RELN: variants seen among roughly 807,000 people sequenced by gnomAD.
RELN encodes the protein reelin.
In RELN, 108 loss-of-function variants were observed where a neutral mutation model predicts 427.6. The observed-to-expected ratio is 0.25, with a 90% CI of 0.22 to 0.30. The LOEUF (loss-of-function observed/expected upper bound fraction) is 0.30. Among genes scored for constraint, RELN ranks in the 10% least tolerant of loss-of-function variants. RELN has a pLI of 1.00. For missense variants in RELN, 3,715 were observed against 4,302.8 expected (o/e 0.86, Z 3.82); for synonymous variants, 1,524 against 1,513.4 (o/e 1.01, Z -0.16).
At chr7:103,854,811 T>C (rs1297173646) in intron 2 of RELN, among the ~76,000 whole-genome samples, 1 of 152,202 alleles carries the variant, frequency 6.6e-6, no homozygotes, top group Admixed American at 6.5e-5. Context: ...TGTGGAATTG[T>C]AATCTAGCCT....
intron 2 of RELN, among the ~76,000 whole-genome samples, chr7:103,916,090 C>T (rs1795475706): frequency 6.6e-6 from 1 of 152,082 alleles, no homozygotes; most frequent in African/African-American, 2.4e-5. Context: ...TTCGAGGTTT[C>T]CTTAAGCTGT....
intron 4 of RELN, among the ~76,000 whole-genome samples, chr7:103,762,616 C>A (rs1218591970): frequency 6.6e-6 from 1 of 152,160 alleles, no homozygotes; most frequent in African/African-American, 2.4e-5. Flanking sequence ...CATGGCAGTT[C>A]CAAAAATGCT....
intron 3 of RELN, among the ~76,000 whole-genome samples, chr7:103,818,185 C>T (rs577038254): frequency 6.6e-6 from 1 of 152,134 alleles, no homozygotes; most frequent in African/African-American, 2.4e-5. Flanking sequence ...GACAAAGAGG[C>T]TCACTCACTA....
chr7:103,486,185 AGGTTTG>A lies in RELN; in HGVS notation c.9983+6_9983+11del. On this transcript the variant is annotated splice_donor_region_variant and intron_variant, in intron 61 of 64. Coordinates refer to ENST00000428762, the MANE Select transcript of RELN (RefSeq NM_005045.4). ...ATTCTATGTCTGGACTAAAATATGGAGGTTTGGGTACCTTGCTCGAGTGAGATCCAG... is the reference window on the plus strand; with the variant it reads ...ATTCTATGTCTGGACTAAAATATGGAGGTACCTTGCTCGAGTGAGATCCAG... The A allele has an allele frequency of 1.2e-6, 2 of 1,611,376 alleles. No homozygotes were observed.
In RELN at chr7:103,989,383, G is replaced by GCCGC; in HGVS notation, c.-28_-27insGCGG. ...CCGCCGCCGCCGCCGCCGCCGCCGC[G>GCCGC]CGCCCTACGCGCCGCTCGCTCATTC... On this transcript the variant is annotated 5_prime_UTR_variant, in exon 1 of 65. Transcript: ENST00000428762. This position sits in a 1 kb window ranked among gnomAD's most constrained non-coding sequence, Gnocchi z 4.9. 9.3e-5 allele frequency: 58 copies of GCCGC among 625,254 alleles called. No homozygotes were observed. Among genetic ancestry groups the GCCGC allele is most frequent in the South Asian group, 6.2e-4 (19 of 30,602 alleles). 38.7% of individuals were successfully genotyped at this position (625,254 alleles called of 1,614,324 possible).
rs552309086 is a variant in RELN at position 103,572,008 on chromosome 7, C to A, written c.4588+176G>T. 1.9e-4 allele frequency among the ~76,000 whole-genome samples: 29 copies of A among 152,282 alleles called. No homozygotes were observed. The South Asian group carries it at 3.5e-3, about 19-fold the overall frequency. ...TATATTTCAGGCCTAAGGATCTGTA[C>A]AAGAAATCTTAGAGATCTTGGCTCT... On this transcript the variant is annotated intron_variant, in intron 31 of 64. Transcript: ENST00000428762.
rs543945687 is a variant in RELN, at chr7:103,855,830, C to T, written c.338-22158G>A. Among the ~76,000 whole-genome samples, 3 of 152,284 alleles carry T rather than the reference C, an allele frequency of 2.0e-5. No homozygotes were observed. The South Asian group carries it at 6.2e-4, about 32-fold the overall frequency. The stretch of plus-strand genomic sequence containing the variant: ...TGTATCTCTGTATCCAATATGACAT[C>T]AATCACATTGGATTAGGAGGCCACC... On this transcript the variant is annotated intron_variant, in intron 2 of 64. Coordinates refer to ENST00000428762, the MANE Select transcript of RELN (RefSeq NM_005045.4).
At chr7:103,638,176 T>C (rs1177577621) in intron 17 of RELN, among the ~76,000 whole-genome samples, 2 of 151,766 alleles carry the variant, frequency 1.3e-5, no homozygotes, top group African/African-American at 4.8e-5. Context: ...TGACTCCCAA[T>C]ATGTCTGCTA....
rs1170161110 is a variant in RELN at position 103,486,326 on chromosome 7, G to A, written c.9854C>T (p.Thr3285Ile). The change falls in exon 61 of 65, where the codon ACC (threonine) becomes ATC (isoleucine). Residue 3285 changes from threonine to isoleucine, a missense_variant. Coordinates refer to ENST00000428762, the MANE Select transcript of RELN (RefSeq NM_005045.4). ...SARVTEANWE[T>I]IQGGVIGSGC... ...ACTTCCTATGACTCCACCTTGAATG[G>A]TCTCCCAGTTTGCCTCGGTGACTCT... 6.2e-7 allele frequency: 1 copy of A among 1,614,114 alleles called. No individual in the cohort carries two copies. The highest frequency in any genetic ancestry group is 8.5e-7 in the Non-Finnish European group (1 of 1,180,002).
At chr7:103,598,113 C>T (rs1470455897) in intron 24 of RELN, among the ~76,000 whole-genome samples, 1 of 152,138 alleles carries the variant, frequency 6.6e-6, no homozygotes, top group Non-Finnish European at 1.5e-5. Context: ...TATTAGAAGT[C>T]ACAGGGGAAA....
At chr7:103,779,527 C>T (rs1284952351) in intron 3 of RELN, among the ~76,000 whole-genome samples, 11 of 152,076 alleles carry the variant, frequency 7.2e-5, no homozygotes. Flanking sequence ...TCCATTTTTC[C>T]TCGGACACAG....
At chr7:103,768,101 T>A (rs1240624696) in intron 4 of RELN, among the ~76,000 whole-genome samples, 1 of 152,248 alleles carries the variant, frequency 6.6e-6, no homozygotes, top group Non-Finnish European at 1.5e-5. Context: ...AGACCTAGCC[T>A]AGAACAGAGC....
chr7:103,482,700 A>C, intron 63 of RELN, 173 bp downstream of exon 63: 1 of 871,754 alleles, frequency 1.1e-6, no homozygotes. Flanking sequence ...GGGCTTTGCT[A>C]TTTCACTGAT....
intron 50 of RELN, chr7:103,513,853 GTTCT>G (rs1313695900): frequency 6.6e-6 from 1 of 152,024 alleles, no homozygotes; most frequent in Admixed American, 6.6e-5. Context: ...GCTAAAAAAA[GTTCT>G]TTAAGAATAT....
chr7:103,854,590 T>A (rs758393725), intron 2 of RELN, among the ~76,000 whole-genome samples: 6 of 152,196 alleles, frequency 3.9e-5, no homozygotes, highest in Non-Finnish European at 8.8e-5. Context: ...AAAAATATCA[T>A]CTCCCTTGTG....
chr7:103,873,032 G>T (rs946872242), intron 2 of RELN, among the ~76,000 whole-genome samples: 1 of 151,954 alleles, frequency 6.6e-6, no homozygotes, highest in East Asian at 1.9e-4. Context: ...AATCAAACTA[G>T]AACTCAGGAT....
intron 1 of RELN, among the ~76,000 whole-genome samples, chr7:103,926,594 A>T (rs1223695752): frequency 1.4e-5 from 2 of 147,944 alleles, no homozygotes; most frequent in African/African-American, 5.0e-5. Context: ...TAATACACAT[A>T]GTTAAACCGA....
rs1198888994 is a variant in RELN at position 103,988,940 on chromosome 7, G to T, written c.226+191C>A. ...GATGCGTTCGGGGAGTGGGGACATG[G>T]AGAATGAATCCCAACTTGTGACTCC... On this transcript the variant is annotated intron_variant, in intron 1 of 64. Coordinates refer to ENST00000428762, the MANE Select transcript of RELN (RefSeq NM_005045.4). This position sits in a 1 kb window ranked among gnomAD's most constrained non-coding sequence, Gnocchi z 4.9. Among the ~76,000 whole-genome samples the T allele has an allele frequency of 6.6e-6, 1 of 152,288 alleles. No individual in the cohort carries two copies. Among genetic ancestry groups the T allele is most frequent in the South Asian group, 2.1e-4 (1 of 4,820 alleles).
At chr7:103,753,544 C>T (rs1791058946) in intron 4 of RELN, among the ~76,000 whole-genome samples, 1 of 152,142 alleles carries the variant, frequency 6.6e-6, no homozygotes. Flanking sequence ...AAACCTGGCA[C>T]AATGATATAC....
Sources: gnomAD v4.1 joint callset for allele counts (sites outside exome capture counted in the v4.1 genomes callset) on GRCh38, gnomAD v4.1.1 for gene constraint, Gnocchi (gnomAD v3.1) non-coding constraint, MANE v1.5 for transcripts, NCBI Gene and HGNC (gene_info 2026-07-23, HGNC 2026-07-21) for gene names.